The following ABCA13 variants were observed in gnomAD, a reference collection of about 807,000 sequenced individuals.
The protein encoded by ABCA13 is ATP binding cassette subfamily A member 13, also known as ATP-binding cassette sub-family A member 13.
A neutral mutation model predicts 478.7 loss-of-function variants in ABCA13; 476 were observed. The observed-to-expected ratio is 0.99, with a 90% CI of 0.92 to 1.07. The LOEUF is 1.07. Among genes scored for constraint, ABCA13 ranks in the 50% least tolerant of loss-of-function variants. The pLI is 0.00. For synonymous variants in ABCA13, 2,252 were observed against 2,158.9 expected (o/e 1.04, Z -1.20); for missense variants, 6,060 against 5,910.6 (o/e 1.03, Z -0.83).
At chr7:48,439,976 A>G (rs969969262) in intron 42 of ABCA13, among the ~76,000 whole-genome samples, 2 of 152,174 alleles carry the variant, frequency 1.3e-5, no homozygotes, top group African/African-American at 4.8e-5. Flanking sequence ...ACAGTATTAT[A>G]ACAAGCTAAA....
At position 48,208,631 on chromosome 7, in the gene ABCA13, G is replaced by A. The variant is rs543359226; in HGVS notation, c.287+10271G>A. On this transcript the variant is annotated intron_variant, in intron 3 of 61. Transcript: ENST00000435803. The stretch of plus-strand genomic sequence containing the variant: ...TTGTTCACTGTTAGTGTATATACAT[G>A]CTATTGATTTTTCTTTGTTAATTTT... Among the ~76,000 whole-genome samples the A allele has an allele frequency of 3.9e-5, 6 of 151,998 alleles. No homozygotes were observed. The East Asian group carries it at 7.7e-4, about 20-fold the overall frequency.
chr7:48,428,264 A>G (rs1821705054), intron 42 of ABCA13, among the ~76,000 whole-genome samples: 1 of 152,196 alleles, frequency 6.6e-6, no homozygotes, highest in Non-Finnish European at 1.5e-5. Context: ...TGCATGGTTT[A>G]ACAAAGCCCC....
chr7:48,339,443 A>T (rs774339281), intron 29 of ABCA13, among the ~76,000 whole-genome samples: 28 of 152,226 alleles, frequency 1.8e-4, no homozygotes, highest in Non-Finnish European at 3.4e-4. Flanking sequence ...CCAAGGACTG[A>T]CATGGGTCTG....
intron 55 of ABCA13, among the ~76,000 whole-genome samples, chr7:48,536,206 A>G (rs1045131737): frequency 1.3e-5 from 2 of 152,284 alleles, no homozygotes; most frequent in Admixed American, 1.3e-4. Context: ...CTATCAAAAC[A>G]ATGTTAAATG....
intron 20 of ABCA13, among the ~76,000 whole-genome samples, chr7:48,289,800 A>C (rs1340603830): frequency 6.6e-6 from 1 of 152,222 alleles, no homozygotes; most frequent in Non-Finnish European, 1.5e-5. Flanking sequence ...GGCTGGTAAC[A>C]GTTGGGTTAG....
intron 48 of ABCA13, among the ~76,000 whole-genome samples, chr7:48,497,365 A>T (rs976324746): frequency 5.9e-5 from 9 of 152,164 alleles, no homozygotes; most frequent in Non-Finnish European, 1.3e-4. Flanking sequence ...TTTTTGAAGC[A>T]TCTTTATGAT....
At chr7:48,393,930 T>C (rs1233013779) in intron 38 of ABCA13, among the ~76,000 whole-genome samples, 1 of 152,220 alleles carries the variant, frequency 6.6e-6, no homozygotes, top group Non-Finnish European at 1.5e-5. Flanking sequence ...CCTTCCTGCC[T>C]GCTGTCGGCT....
intron 41 of ABCA13, among the ~76,000 whole-genome samples, chr7:48,424,122 T>C (rs1047406960): frequency 8.5e-5 from 13 of 152,238 alleles, no homozygotes; most frequent in Non-Finnish European, 1.8e-4. Flanking sequence ...TTGGAAAGTG[T>C]AGCCAGGACA....
intron 50 of ABCA13, among the ~76,000 whole-genome samples, chr7:48,509,292 C>G (rs1831476132): frequency 6.6e-6 from 1 of 152,156 alleles, no homozygotes; most frequent in Non-Finnish European, 1.5e-5. Context: ...CAGTGCCAGC[C>G]TCTGTCTCCT....
intron 29 of ABCA13, among the ~76,000 whole-genome samples, chr7:48,338,760 AATT>A (rs993088725): frequency 2.0e-4 from 31 of 152,200 alleles, no homozygotes; most frequent in Non-Finnish European, 1.2e-4. Context: ...TTATAAAAGA[AATT>A]ATTATTATTA....
rs764928428 is a variant in ABCA13 at position 48,278,785 on chromosome 7, A to G, written c.7591A>G (p.Lys2531Glu). Residue 2531 changes from lysine to glutamate, a missense_variant, in exon 18 of 62, where the codon AAA becomes GAA. Coordinates refer to ENST00000435803, the MANE Select transcript of ABCA13 (RefSeq NM_152701.5). ...TGTGAAACTTCTTAAGCTGGTCAAG[A>G]AAGTTTCGGGGAAGATGTCCACAGT... The part of the protein sequence containing the change: ...SIVKLLKLVK[K>E]VSGKMSTVFK... The G allele has an allele frequency of 6.2e-7, 1 of 1,613,954 alleles. No individual in the cohort carries two copies. Among genetic ancestry groups the G allele is most frequent in the South Asian group, 1.1e-5 (1 of 91,078 alleles).
At chr7:48,314,974 C>A (rs1239618933) in intron 26 of ABCA13, among the ~76,000 whole-genome samples, 1 of 151,970 alleles carries the variant, frequency 6.6e-6, no homozygotes, top group African/African-American at 2.4e-5. Context: ...ATTTTTTGGC[C>A]CCAATTTAAG....
chr7:48,268,993 A>G lies in ABCA13; in HGVS notation c.2019A>G (p.Glu673=). The G allele has an allele frequency of 6.4e-7, 1 of 1,571,698 alleles. No homozygotes were observed. Among genetic ancestry groups the G allele is most frequent in the Non-Finnish European group, 8.7e-7 (1 of 1,145,320 alleles). Residue 673 remains glutamate (E), a synonymous_variant, in exon 16 of 62, where the codon GAA becomes GAG. Transcript: ENST00000435803. ...FQNRLLAFPE[E]SPCFEENMDW... is the part of the protein sequence containing the mutation. Reference sequence around the variant, plus strand: ...CTTTTTATTTAGCTTTTCCTGAGGAATCTCCTTGTTTTGAAGAAAACATGG... The same window carrying G: ...CTTTTTATTTAGCTTTTCCTGAGGAGTCTCCTTGTTTTGAAGAAAACATGG...
At chr7:48,350,880 G>C in intron 30 of ABCA13, 61 bp downstream of exon 30, 1 of 1,535,546 alleles carries the variant, frequency 6.5e-7, no homozygotes, top group Non-Finnish European at 8.8e-7. Context: ...TTGTCATTTT[G>C]GGAGTTTCTC....
At chr7:48,540,818 C>T (rs142652125) in intron 55 of ABCA13, among the ~76,000 whole-genome samples, 79 of 152,168 alleles carry the variant, frequency 5.2e-4, no homozygotes, top group Non-Finnish European at 7.8e-4. Flanking sequence ...GTCATGTTCT[C>T]CTGATATACT....
chr7:48,173,926 G>A (rs1474086143), intron 1 of ABCA13, among the ~76,000 whole-genome samples: 1 of 152,216 alleles, frequency 6.6e-6, no homozygotes, highest in Non-Finnish European at 1.5e-5. Context: ...ACCGTGGGCT[G>A]TGAGGAGAGG....
At chr7:48,293,732 A>G (rs1798917231) in intron 20 of ABCA13, among the ~76,000 whole-genome samples, 1 of 151,788 alleles carries the variant, frequency 6.6e-6, no homozygotes, top group African/African-American at 2.4e-5. Flanking sequence ...GTCAATTAAT[A>G]GGTATTATTC....
At chr7:48,375,364 A>G (rs1338406204) in intron 34 of ABCA13, among the ~76,000 whole-genome samples, 1 of 151,996 alleles carries the variant, frequency 6.6e-6, no homozygotes, top group African/African-American at 2.4e-5. Flanking sequence ...TATCCCTTTC[A>G]CATGACCACC....
chr7:48,511,013 G>A, intron 50 of ABCA13, 71 bp from the exon 51 acceptor site: 4 of 1,252,310 alleles, frequency 3.2e-6, no homozygotes, highest in Non-Finnish European at 4.6e-6. Flanking sequence ...GGAAACTTCA[G>A]GATAAGTAGA....
Sources: allele counts gnomAD v4.1 joint callset (sites outside exome capture counted in the v4.1 genomes callset), GRCh38; gene constraint gnomAD v4.1.1; transcripts MANE v1.5; gene names NCBI Gene and HGNC (gene_info 2026-07-23, HGNC 2026-07-21).